Variants in FLI1 observed in about 807,000 individuals in gnomAD.
FLI1 encodes Fli-1 proto-oncogene, ETS transcription factor.
FLI1 carries 13 observed loss-of-function variants against 53.1 expected under a neutral mutation model. The observed-to-expected ratio is 0.24, with a 90% CI of 0.16 to 0.39. The LOEUF is 0.39. FLI1 is among the 10% of genes least tolerant of loss of function. The pLI is 1.00. For synonymous variants in FLI1, 244 were observed against 236.7 expected (o/e 1.03, Z -0.28); for missense variants, 424 against 600.5 (o/e 0.71, Z 3.07).
intron 1 of FLI1, among the ~76,000 whole-genome samples, chr11:128,724,338 C>T (rs1939381989): frequency 6.6e-6 from 1 of 152,104 alleles, no homozygotes; most frequent in Non-Finnish European, 1.5e-5. Context: ...GGGATGGTGC[C>T]AGGCCAGTGA....
At chr11:128,768,408 G>A (rs1448445402) in intron 3 of FLI1, 136 bp downstream of exon 3, 4 of 1,065,256 alleles carry the variant, frequency 3.8e-6, no homozygotes, top group East Asian at 2.6e-5. Context: ...CCAGCCGGGA[G>A]TGGTGGCTCG....
intron 1 of FLI1, among the ~76,000 whole-genome samples, chr11:128,742,419 A>G (rs79169773): frequency 2.2e-3 from 335 of 152,322 alleles, no homozygotes; most frequent in African/African-American, 7.5e-3. Context: ...CCCCATTGTG[A>G]GACAAGACAT....
chr11:128,722,354 C>G (rs189383801), intron 1 of FLI1, among the ~76,000 whole-genome samples: 24 of 152,180 alleles, frequency 1.6e-4, no homozygotes, highest in Admixed American at 1.1e-3. Flanking sequence ...GGGAGAAGGG[C>G]AGGAGGAGGA....
At position 128,812,072 on chromosome 11, in the gene FLI1, A is replaced by G. The variant is rs1325330415; in HGVS notation, c.*1084A>G. The G allele has an allele frequency of 9.6e-6, 2 of 207,400 alleles. No individual in the cohort carries two copies. The highest frequency in any genetic ancestry group is 9.9e-6 in the Non-Finnish European group (1 of 101,442). The allele number at this position is 207,400 out of a possible 1,614,324, so 12.8% of individuals were successfully genotyped here. On this transcript the variant is annotated 3_prime_UTR_variant, in exon 9 of 9. Transcript: ENST00000527786. ...ATATGCCTATAGCTGAAAAGGAAACAGGGCTGTTTAAGTCACTGACTTATG... is the reference window on the plus strand; with the variant it reads ...ATATGCCTATAGCTGAAAAGGAAACGGGGCTGTTTAAGTCACTGACTTATG...
intron 4 of FLI1, among the ~76,000 whole-genome samples, chr11:128,777,128 A>G (rs751551795): frequency 6.6e-6 from 1 of 152,042 alleles, no homozygotes; most frequent in African/African-American, 2.4e-5. Context: ...TGCTGCGGGA[A>G]CGAGATTTGT....
intron 5 of FLI1, among the ~76,000 whole-genome samples, chr11:128,793,735 G>A (rs541298179): frequency 6.6e-6 from 1 of 152,314 alleles, no homozygotes; most frequent in East Asian, 1.9e-4. Flanking sequence ...GTGCCCATGT[G>A]CTCTGCTACA....
intron 1 of FLI1, among the ~76,000 whole-genome samples, chr11:128,697,540 A>G (rs769966301): frequency 1.3e-5 from 2 of 148,358 alleles, no homozygotes; most frequent in Non-Finnish European, 3.0e-5. Context: ...AATTAACTTC[A>G]TGTGCCTTAT....
intron 1 of FLI1, among the ~76,000 whole-genome samples, chr11:128,697,287 T>C (rs1938121979): frequency 6.6e-6 from 1 of 152,210 alleles, no homozygotes; most frequent in African/African-American, 2.4e-5. Flanking sequence ...GTGGTGTCAT[T>C]ACAGATGGGG....
intron 1 of FLI1, among the ~76,000 whole-genome samples, chr11:128,748,937 TAATAC>T (rs1940527876): frequency 6.6e-6 from 1 of 152,268 alleles, no homozygotes; most frequent in Non-Finnish European, 1.5e-5. Context: ...AGTCATCAAA[TAATAC>T]ATGTTCTATT....
chr11:128,718,918 A>G (rs1439175054), intron 1 of FLI1, among the ~76,000 whole-genome samples: 1 of 152,198 alleles, frequency 6.6e-6, no homozygotes. Context: ...ATCTCATGAG[A>G]TCAGGCTTTC....
chr11:128,771,288 C>T (rs1332911462), intron 3 of FLI1, among the ~76,000 whole-genome samples: 1 of 152,236 alleles, frequency 6.6e-6, no homozygotes, highest in Non-Finnish European at 1.5e-5. Context: ...CTAACTCCTC[C>T]CCTTTGCCAG....
intron 8 of FLI1, 68 bp downstream of exon 8, chr11:128,809,272 C>T: frequency 2.9e-6 from 4 of 1,365,630 alleles, no homozygotes; most frequent in Non-Finnish European, 4.2e-6. Context: ...ATCACAGAGA[C>T]TTCTGTCCTA....
intron 1 of FLI1, chr11:128,695,830 G>T (rs1316478687): frequency 6.6e-6 from 1 of 152,182 alleles, no homozygotes; most frequent in African/African-American, 2.4e-5. Flanking sequence ...GTTCATGCAA[G>T]TGTCTCTGTA....
chr11:128,702,432 C>G (rs1184079415), intron 1 of FLI1, among the ~76,000 whole-genome samples: 1 of 152,152 alleles, frequency 6.6e-6, no homozygotes, highest in Non-Finnish European at 1.5e-5. Context: ...AGGTAACAAC[C>G]AGTTTATATT....
chr11:128,756,647 T>G (rs1032604198), intron 1 of FLI1, among the ~76,000 whole-genome samples: 1 of 152,232 alleles, frequency 6.6e-6, no homozygotes, highest in Non-Finnish European at 1.5e-5. Context: ...TTTGCATGTA[T>G]TATCACAACT....
At chr11:128,786,891 G>C (rs1329230220) in intron 5 of FLI1, among the ~76,000 whole-genome samples, 1 of 152,190 alleles carries the variant, frequency 6.6e-6, no homozygotes, top group Non-Finnish European at 1.5e-5. Context: ...AACCGGCCAA[G>C]GGCCTGTGGA....
chr11:128,771,765 G>A (rs1388219730), intron 3 of FLI1, among the ~76,000 whole-genome samples: 1 of 152,110 alleles, frequency 6.6e-6, no homozygotes, highest in Non-Finnish European at 1.5e-5. Flanking sequence ...TTCCACTTAT[G>A]AGTCCTCGAA....
chr11:128,762,263 G>T (rs1489379120), intron 2 of FLI1, among the ~76,000 whole-genome samples: 1 of 152,184 alleles, frequency 6.6e-6, no homozygotes, highest in East Asian at 1.9e-4. Context: ...TTGATTGTTT[G>T]CAGTGGTCTA....
chr11:128,747,756 GT>G (rs1411201604), intron 1 of FLI1, among the ~76,000 whole-genome samples: 2 of 152,188 alleles, frequency 1.3e-5, no homozygotes, highest in Non-Finnish European at 2.9e-5. Context: ...CCCTTTTGTG[GT>G]TCCCACTGCC....
Sources: allele counts gnomAD v4.1 joint callset (sites outside exome capture counted in the v4.1 genomes callset), GRCh38; gene constraint gnomAD v4.1.1; transcripts MANE v1.5; gene names NCBI Gene and HGNC (gene_info 2026-07-23, HGNC 2026-07-21).